The following RORA variants were observed in gnomAD, a reference collection of about 807,000 sequenced individuals.
RORA encodes the protein RAR related orphan receptor A.
RORA carries 7 observed loss-of-function variants against 69.5 expected under a neutral mutation model. The observed-to-expected ratio is 0.10, with a 90% CI of 0.06 to 0.19. The LOEUF is 0.19. RORA is among the 10% of genes least tolerant of loss of function. RORA has a pLI of 1.00. For synonymous variants in RORA, 261 were observed against 240.8 expected (o/e 1.08, Z -0.78); for missense variants, 457 against 663.0 (o/e 0.69, Z 3.41).
chr15:60,580,614 T>G (rs908312815), intron 2 of RORA, among the ~76,000 whole-genome samples: 1 of 152,228 alleles, frequency 6.6e-6, no homozygotes. Flanking sequence ...ATTATGGCGT[T>G]CATTTGCCCT....
At position 61,147,112 on chromosome 15, in the gene RORA, G is replaced by C. The variant is rs1424966364; in HGVS notation, c.166+81941C>G. 6.6e-6 allele frequency among the ~76,000 whole-genome samples: 1 copy of C among 152,212 alleles called. No individual in the cohort carries two copies. Among genetic ancestry groups the C allele is most frequent in the Non-Finnish European group, 1.5e-5 (1 of 68,040 alleles). On this transcript the variant is annotated intron_variant, in intron 1 of 10. Coordinates refer to ENST00000335670, the MANE Select transcript of RORA (RefSeq NM_134261.3). The surrounding 1 kb of genome is among the most constrained non-coding windows in gnomAD (Gnocchi z 4.1). ...GCGGGCCAGACATCACAATAGGTTA[G>C]ATTTTGGCAGATGCCTCATGCATTC...
intron 1 of RORA, among the ~76,000 whole-genome samples, chr15:60,801,904 C>T (rs759824548): frequency 6.6e-6 from 1 of 152,170 alleles, no homozygotes; most frequent in Non-Finnish European, 1.5e-5. Context: ...GCTGTTTTCA[C>T]ATATATTTCA....
At chr15:60,940,735 G>A (rs1892669502) in intron 1 of RORA, among the ~76,000 whole-genome samples, 1 of 152,118 alleles carries the variant, frequency 6.6e-6, no homozygotes, top group South Asian at 2.1e-4. Flanking sequence ...AGACCATCCT[G>A]GCCAACATGG....
At chr15:60,815,098 G>C (rs2140371224) in intron 1 of RORA, among the ~76,000 whole-genome samples, 1 of 152,166 alleles carries the variant, frequency 6.6e-6, no homozygotes, top group South Asian at 2.1e-4. Context: ...GTTTCAGTTT[G>C]ACTCCTCTAT....
At chr15:61,043,330 C>T (rs990460295) in intron 1 of RORA, among the ~76,000 whole-genome samples, 1 of 152,124 alleles carries the variant, frequency 6.6e-6, no homozygotes, top group South Asian at 2.1e-4. Flanking sequence ...GAGATCCATG[C>T]CTCCCAACTC....
intron 1 of RORA, among the ~76,000 whole-genome samples, chr15:61,169,791 G>A (rs546162907): frequency 2.0e-5 from 3 of 151,806 alleles, no homozygotes; most frequent in Non-Finnish European, 4.4e-5. Context: ...AAAAGAAACA[G>A]CTCACATTCC....
At chr15:61,210,755 T>A (rs912277229) in intron 1 of RORA, among the ~76,000 whole-genome samples, 10 of 152,254 alleles carry the variant, frequency 6.6e-5, no homozygotes, top group Non-Finnish European at 4.4e-5. Context: ...CAAAGACAAC[T>A]AGACTTACGG....
chr15:60,788,180 G>A (rs890929724), intron 1 of RORA, among the ~76,000 whole-genome samples: 7 of 152,204 alleles, frequency 4.6e-5, no homozygotes, highest in Admixed American at 1.3e-4. Flanking sequence ...TGAAATTTCC[G>A]GGCTGAGTGA....
At position 60,852,679 on chromosome 15, in the gene RORA, G is replaced by C. The variant is rs143312615; in HGVS notation, c.167-173993C>G. Among the ~76,000 whole-genome samples, 172 of 152,280 alleles carry C rather than the reference G, an allele frequency of 1.1e-3. 1 individual carries two copies. The highest frequency in any genetic ancestry group is 3.0e-3 in the African/African-American group (124 of 41,560). On this transcript the variant is annotated intron_variant, in intron 1 of 10. Coordinates refer to ENST00000335670, the MANE Select transcript of RORA (RefSeq NM_134261.3). ...AGTAGAATAAATAATGAGACCTTTA[G>C]AATAGGCTCAAGCTGTCTGCAGCCT...
Position 60,896,486 on chromosome 15 carries a change from T to C in RORA, c.167-217800A>G, listed in dbSNP as rs959841099. On this transcript the variant is annotated intron_variant, in intron 1 of 10. Coordinates refer to ENST00000335670, the MANE Select transcript of RORA (RefSeq NM_134261.3). ...TTTCTCCTGATACCCACACAGGAAGTCTTAGTTACAGGCCTGGTTTTAGGC... is the reference window on the plus strand; with the variant it reads ...TTTCTCCTGATACCCACACAGGAAGCCTTAGTTACAGGCCTGGTTTTAGGC... Among the ~76,000 whole-genome samples the C allele has an allele frequency of 7.2e-5, 11 of 152,218 alleles. No individual in the cohort carries two copies. In the South Asian group the frequency reaches 1.7e-3, roughly 23 times the overall value.
chr15:60,633,288 G>A lies in RORA; in HGVS notation c.196+45369C>T, dbSNP rs550991666. On this transcript the variant is annotated intron_variant, in intron 2 of 10. Coordinates refer to ENST00000335670, the MANE Select transcript of RORA (RefSeq NM_134261.3). Reference sequence around the variant, plus strand: ...GGAGAAGGTGAACGTGTGCCAGTTCGAATTCTGATGATCTTAAATTAATAT... The same window carrying A: ...GGAGAAGGTGAACGTGTGCCAGTTCAAATTCTGATGATCTTAAATTAATAT... Among the ~76,000 whole-genome samples, 11 of 152,320 alleles carry A rather than the reference G, an allele frequency of 7.2e-5. 2 individuals carry two copies. The highest frequency in any genetic ancestry group is 1.9e-4 in the African/African-American group (8 of 41,570).
intron 1 of RORA, among the ~76,000 whole-genome samples, chr15:60,820,384 G>T (rs189743142): frequency 6.6e-6 from 1 of 152,284 alleles, no homozygotes; most frequent in Admixed American, 6.5e-5. Context: ...GGAAGAGACA[G>T]GAAAATCCCC....
At chr15:61,156,583 G>A (rs1455892848) in intron 1 of RORA, among the ~76,000 whole-genome samples, 2 of 152,082 alleles carry the variant, frequency 1.3e-5, no homozygotes, top group Non-Finnish European at 2.9e-5. Context: ...CAGGAAGCCT[G>A]AGACCCTAGG....
intron 1 of RORA, among the ~76,000 whole-genome samples, chr15:61,158,724 G>A (rs971020265): frequency 1.3e-5 from 2 of 152,160 alleles, no homozygotes; most frequent in East Asian, 1.9e-4. Context: ...GGATTGTTGC[G>A]GGAGCTGTCG....
chr15:61,136,742 G>T (rs2079243740), intron 1 of RORA, among the ~76,000 whole-genome samples: 1 of 152,134 alleles, frequency 6.6e-6, no homozygotes, highest in Non-Finnish European at 1.5e-5. Flanking sequence ...TAATCATAAT[G>T]ATGGCAATTA....
At chr15:60,707,170 A>G (rs2071074531) in intron 1 of RORA, among the ~76,000 whole-genome samples, 2 of 152,062 alleles carry the variant, frequency 1.3e-5, no homozygotes, top group South Asian at 4.1e-4. Flanking sequence ...GTGAGCATCT[A>G]CTGAAGCTTC....
chr15:61,133,927 T>A (rs1441480256), intron 1 of RORA, among the ~76,000 whole-genome samples: 1 of 152,332 alleles, frequency 6.6e-6, no homozygotes. Flanking sequence ...CAAAGGCTCA[T>A]GAACATCTTG....
rs905160567 is a variant in RORA, at chr15:60,815,972, A to G, written c.167-137286T>C. Among the ~76,000 whole-genome samples, 6 of 142,618 alleles carry G rather than the reference A, an allele frequency of 4.2e-5. No individual in the cohort carries two copies. The East Asian group carries it at 8.3e-4, about 20-fold the overall frequency. 93.6% of individuals were successfully genotyped at this position (142,618 alleles called of 152,430 possible). A position where few individuals can be genotyped will look rare whatever the true frequency, so the allele number is the denominator to read the frequency against. On this transcript the variant is annotated intron_variant, in intron 1 of 10. Transcript: ENST00000335670. ...TATACTATAAATAGTATATGTATTT[A>G]TTTACTATAAATAGTATATATATAC...
intron 1 of RORA, among the ~76,000 whole-genome samples, chr15:61,214,664 T>C (rs2080021850): frequency 6.6e-6 from 1 of 152,060 alleles, no homozygotes; most frequent in Non-Finnish European, 1.5e-5. Context: ...GGTGGCAGAA[T>C]GCAGAGAGGG....
Sources: gnomAD v4.1 joint callset for allele counts (sites outside exome capture counted in the v4.1 genomes callset) on GRCh38, gnomAD v4.1.1 for gene constraint, Gnocchi (gnomAD v3.1) non-coding constraint, MANE v1.5 for transcripts, NCBI Gene and HGNC (gene_info 2026-07-23, HGNC 2026-07-21) for gene names.